PPP1R21: variants seen among roughly 807,000 people sequenced by gnomAD.
PPP1R21 encodes the protein KLRAQ motif containing 1.
Under a neutral mutation model 112.8 loss-of-function variants are expected in PPP1R21, and 85 were observed. The observed-to-expected ratio is 0.75, with a 90% CI of 0.63 to 0.90. The LOEUF (loss-of-function observed/expected upper bound fraction) is 0.90. PPP1R21 is among the 40% of genes least tolerant of loss of function. The pLI is 0.00. For synonymous variants in PPP1R21, 381 were observed against 322.3 expected (o/e 1.18, Z -1.95); for missense variants, 1,199 against 901.5 (o/e 1.33, Z -4.23).
intron 6 of PPP1R21, among the ~76,000 whole-genome samples, chr2:48,460,670 C>T (rs1309149018): frequency 3.9e-5 from 6 of 151,966 alleles, no homozygotes; most frequent in Non-Finnish European, 8.8e-5. Context: ...TTTGTTGCAT[C>T]GTTAGAATTA....
chr2:48,511,150 C>T (rs1005675300), intron 20 of PPP1R21, among the ~76,000 whole-genome samples, 190 bp from the exon 21 acceptor site: 2 of 152,068 alleles, frequency 1.3e-5, no homozygotes, highest in Non-Finnish European at 2.9e-5. Context: ...TTTGGAGGTC[C>T]ACCACCTCAA....
chr2:48,476,458 G>T lies in PPP1R21; in HGVS notation c.1225+1639G>T, dbSNP rs1172275859. ...TGGACATCTCTTTTCATTTCTTTGGGGTGTATACCTAGGAATGGAATTCCT... is the reference window on the plus strand; with the variant it reads ...TGGACATCTCTTTTCATTTCTTTGGTGTGTATACCTAGGAATGGAATTCCT... On this transcript the variant is annotated intron_variant, in intron 12 of 21. Coordinates refer to ENST00000294952, the MANE Select transcript of PPP1R21 (RefSeq NM_001135629.3). 3.3e-5 allele frequency among the ~76,000 whole-genome samples: 5 copies of T among 152,048 alleles called. No individual in the cohort carries two copies. In the South Asian group the frequency reaches 6.2e-4, roughly 19 times the overall value.
chr2:48,471,239 C>T (rs1668483893), intron 10 of PPP1R21, 40 bp from the exon 11 acceptor site: 2 of 1,608,992 alleles, frequency 1.2e-6, no homozygotes, highest in East Asian at 2.2e-5. Context: ...CCTCTTTGTC[C>T]AGTAGCACTT....
rs781287664 is a variant in PPP1R21, at chr2:48,511,475, G to T, written c.2313+7G>T. On this transcript the variant is annotated splice_region_variant and intron_variant, in intron 21 of 21. Coordinates refer to ENST00000294952, the MANE Select transcript of PPP1R21 (RefSeq NM_001135629.3). ...ACTAAAGATGTCCAGTAAGGTATGT[G>T]AGGTGAGGTGAGGTAGTCTCTCTGC... is the stretch of plus-strand genomic sequence containing the variant. 6.2e-7 allele frequency: 1 copy of T among 1,608,812 alleles called. No homozygotes were observed. Among genetic ancestry groups the T allele is most frequent in the Non-Finnish European group, 8.5e-7 (1 of 1,178,406 alleles).
At chr2:48,504,595 C>T (rs757232720) in intron 17 of PPP1R21, among the ~76,000 whole-genome samples, 3 of 152,104 alleles carry the variant, frequency 2.0e-5, no homozygotes, top group South Asian at 2.1e-4. Flanking sequence ...GAGCCTCGGT[C>T]GCACCATTGC....
At chr2:48,457,758 T>C (rs528782785) in intron 3 of PPP1R21, among the ~76,000 whole-genome samples, 1 of 152,324 alleles carries the variant, frequency 6.6e-6, no homozygotes, top group South Asian at 2.1e-4. Context: ...TTGCTATAAC[T>C]CTCATTTCCC....
At chr2:48,481,881 A>T (rs1669030005) in intron 13 of PPP1R21, among the ~76,000 whole-genome samples, 1 of 152,330 alleles carries the variant, frequency 6.6e-6, no homozygotes, top group East Asian at 1.9e-4. Context: ...ACGTGACATG[A>T]TAAAGTTGCA....
chr2:48,492,577 T>C (rs1195604150), intron 15 of PPP1R21, among the ~76,000 whole-genome samples: 2 of 152,218 alleles, frequency 1.3e-5, no homozygotes, highest in African/African-American at 2.4e-5. Context: ...AATACTGCAA[T>C]GGATAGCCTT....
At chr2:48,504,385 G>A (rs1299307043) in intron 17 of PPP1R21, among the ~76,000 whole-genome samples, 1 of 152,180 alleles carries the variant, frequency 6.6e-6, no homozygotes, top group African/African-American at 2.4e-5. Flanking sequence ...GCTCTTGCCT[G>A]TAATCCCAGC....
chr2:48,448,780 T>C (rs867693278), intron 1 of PPP1R21, among the ~76,000 whole-genome samples: 2 of 152,228 alleles, frequency 1.3e-5, no homozygotes, highest in African/African-American at 4.8e-5. Context: ...ATTTCTCTCT[T>C]TTGAACTTCT....
chr2:48,460,024 G>A, intron 5 of PPP1R21, 71 bp from the exon 6 acceptor site: 1 of 1,597,504 alleles, frequency 6.3e-7, no homozygotes. Flanking sequence ...TTTGCCTGCA[G>A]GGTCTTACTA....
At position 48,461,160 on chromosome 2, in the gene PPP1R21, C is replaced by G. The variant is rs757438523; in HGVS notation, c.622C>G (p.His208Asp). 5 of 1,572,040 alleles carry G rather than the reference C, an allele frequency of 3.2e-6. No homozygotes were observed. In the South Asian group the frequency reaches 6.0e-5, roughly 19 times the overall value. ...CAGTCAATTACAGTTAAAGACTCTT[C>G]ATGAAGATTTGTCAGGTAGATTAGA... ...EECQLQLKTL[H>D]EDLSGRLEES... The change falls in exon 7 of 22, where the codon CAT becomes GAT. Residue 208 changes from histidine to aspartate, a missense_variant. By Grantham distance (81) the His-to-Asp change is moderately conservative. Transcript: ENST00000294952.
chr2:48,477,269 C>T (rs781059740), intron 12 of PPP1R21, among the ~76,000 whole-genome samples: 9 of 151,910 alleles, frequency 5.9e-5, no homozygotes, highest in Non-Finnish European at 1.0e-4. Context: ...CGGGTGTGCG[C>T]CACTGCACTT....
chr2:48,466,377 AT>A (rs1009006881), intron 9 of PPP1R21, among the ~76,000 whole-genome samples: 154 of 149,352 alleles, frequency 1.0e-3, no homozygotes, highest in African/African-American at 3.6e-3. Flanking sequence ...ACACTGGCTA[AT>A]TTTTTTTTTC....
chr2:48,494,043 G>A (rs1669691623), intron 15 of PPP1R21, among the ~76,000 whole-genome samples: 1 of 130,786 alleles, frequency 7.6e-6, no homozygotes, highest in Non-Finnish European at 1.6e-5. Context: ...GCAACATAGG[G>A]AGACCTCGTC....
intron 14 of PPP1R21, among the ~76,000 whole-genome samples, chr2:48,487,139 T>G (rs1669337690): frequency 6.6e-6 from 1 of 152,178 alleles, no homozygotes; most frequent in Non-Finnish European, 1.5e-5. Context: ...ATTGGATGAT[T>G]AGAAGATTCT....
intron 17 of PPP1R21, among the ~76,000 whole-genome samples, chr2:48,503,370 T>A (rs1670215525): frequency 6.6e-6 from 1 of 152,230 alleles, no homozygotes. Context: ...CTTACTGATT[T>A]CATAGTATTC....
chr2:48,482,823 G>A (rs1007113955), intron 13 of PPP1R21, among the ~76,000 whole-genome samples: 5 of 151,978 alleles, frequency 3.3e-5, no homozygotes, highest in Middle Eastern at 6.8e-3. Context: ...GGATGTGCAG[G>A]TTTGTTACAT....
chr2:48,497,317 T>C (rs1669891848), intron 16 of PPP1R21, among the ~76,000 whole-genome samples: 1 of 152,168 alleles, frequency 6.6e-6, no homozygotes, highest in Non-Finnish European at 1.5e-5. Context: ...TGTTAAAGTG[T>C]GAGAACAGAG....
Sources: gnomAD v4.1 joint callset for allele counts (sites outside exome capture counted in the v4.1 genomes callset) on GRCh38, gnomAD v4.1.1 for gene constraint, MANE v1.5 for transcripts, NCBI Gene and HGNC (gene_info 2026-07-23, HGNC 2026-07-21) for gene names.